CTDP1: variants seen among roughly 807,000 people sequenced by gnomAD.
CTDP1 encodes the protein CTD phosphatase 1.
CTDP1 carries 47 observed loss-of-function variants against 91.8 expected under a neutral mutation model. The ratio of observed to expected loss-of-function variants is 0.51; its 90% CI spans 0.41 to 0.65. CTDP1 has a LOEUF of 0.65. Ranked by LOEUF, CTDP1 falls within the 30% of genes least tolerant of loss-of-function variation. The pLI is 0.00. For synonymous variants in CTDP1, 656 were observed against 598.5 expected, an observed-to-expected ratio of 1.10 and a Z score of -1.40; for missense variants, 1,272 against 1,373.7, an observed-to-expected ratio of 0.93 and a Z score of 1.17.
intron 11 of CTDP1, among the ~76,000 whole-genome samples, chr18:79,735,439 G>T (rs1447976619): frequency 6.6e-6 from 1 of 152,250 alleles, no homozygotes. Context: ...TGGGATGGGA[G>T]CCCCCGGGAG....
chr18:79,705,673 C>T (rs950197475), intron 5 of CTDP1, among the ~76,000 whole-genome samples: 1 of 152,220 alleles, frequency 6.6e-6, no homozygotes, highest in Non-Finnish European at 1.5e-5. Context: ...ATGTAGGCGC[C>T]GAGTGGCAGT....
In CTDP1 at chr18:79,715,108, G is replaced by A. The variant is rs1266242215; in HGVS notation, c.1648G>A (p.Asp550Asn). ...CTGCGGCCTGGGCAACGGCTGTGCC[G>A]ACAGGAAGGAGGCGGAGACCGAGTC... ...GLCGLGNGCA[D>N]RKEAETESQN... Residue 550 changes from aspartate (D) to asparagine (N), a missense_variant, in exon 8 of 13, where the codon GAC (aspartate) becomes AAC (asparagine). Around this residue, in one of 3 missense-constraint regions of CTDP1, gnomAD observed 881 missense variants for 911.6 expected, o/e 0.97. Coordinates refer to ENST00000613122, the MANE Select transcript of CTDP1 (RefSeq NM_004715.5). 1.3e-5 allele frequency: 21 copies of A among 1,613,078 alleles called. No individual in the cohort carries two copies. Among genetic ancestry groups the A allele is most frequent in the Non-Finnish European group, 1.6e-5 (19 of 1,179,864 alleles).
At chr18:79,710,686 A>ATTTTTTTTTTTTTTTTTTTTTTT (rs11306504) in intron 6 of CTDP1, among the ~76,000 whole-genome samples, 1 of 88,502 alleles carries the variant, frequency 1.1e-5, no homozygotes, top group Non-Finnish European at 2.0e-5. Flanking sequence ...TCGCCCGGCA[A>ATTTTTTTTTTTTTTTTTTTTTTT]TTTTTTTTTT....
Position 79,754,136 on chromosome 18 carries a change from G to T in CTDP1, c.*346G>T. On this transcript the variant is annotated 3_prime_UTR_variant, in exon 13 of 13. Coordinates refer to ENST00000613122, the MANE Select transcript of CTDP1 (RefSeq NM_004715.5). ...TACCAGAGCACATTCCTTAGGGGAC[G>T]GCTTTGGGGGTCCCACGAGACATGG... 2.7e-6 allele frequency: 1 copy of T among 374,414 alleles called. No individual in the cohort carries two copies. Among genetic ancestry groups the T allele is most frequent in the South Asian group, 2.2e-5 (1 of 44,680 alleles). The allele number at this position is 374,414 out of a possible 1,614,324, so 23.2% of individuals were successfully genotyped here.
At chr18:79,690,401 A>G (rs1237873489) in intron 1 of CTDP1, among the ~76,000 whole-genome samples, 1 of 152,190 alleles carries the variant, frequency 6.6e-6, no homozygotes, top group Non-Finnish European at 1.5e-5. Context: ...AAACCAGAAA[A>G]CATTTATTGG....
At chr18:79,692,254 A>C (rs1307268955) in intron 1 of CTDP1, among the ~76,000 whole-genome samples, 2 of 152,060 alleles carry the variant, frequency 1.3e-5, no homozygotes, top group African/African-American at 4.8e-5. Flanking sequence ...ATTTGTGTGA[A>C]GCCCCACTGG....
At chr18:79,710,045 T>G (rs1418152860) in intron 5 of CTDP1, among the ~76,000 whole-genome samples, 2 of 152,244 alleles carry the variant, frequency 1.3e-5, no homozygotes, top group African/African-American at 4.8e-5. Flanking sequence ...TGCAAGTGCC[T>G]TCCATAATTT....
chr18:79,747,367 A>G (rs776234778), intron 12 of CTDP1, among the ~76,000 whole-genome samples: 6 of 152,212 alleles, frequency 3.9e-5, no homozygotes, highest in Non-Finnish European at 8.8e-5. Flanking sequence ...GAGCTGTGGC[A>G]TCCCCGCTGG....
At chr18:79,734,718 A>G (rs1344164859) in intron 11 of CTDP1, among the ~76,000 whole-genome samples, 2 of 152,246 alleles carry the variant, frequency 1.3e-5, no homozygotes, top group Non-Finnish European at 2.9e-5. Flanking sequence ...TGCCGTGTTA[A>G]AGGCCCTAAG....
chr18:79,679,240 G>A (rs1828773163), upstream of CTDP1: 1 of 364,740 alleles, frequency 2.7e-6, no homozygotes, highest in African/African-American at 2.1e-5. Flanking sequence ...GGTGAGGTCG[G>A]AGGAAGAGAA....
At chr18:79,692,612 C>T (rs889603575) in intron 1 of CTDP1, among the ~76,000 whole-genome samples, 7 of 152,128 alleles carry the variant, frequency 4.6e-5, no homozygotes, top group African/African-American at 1.7e-4. Flanking sequence ...TCCCTCTCTT[C>T]CCCTTGCAGG....
At chr18:79,744,941 G>T (rs1466831844) in intron 12 of CTDP1, among the ~76,000 whole-genome samples, 1 of 152,208 alleles carries the variant, frequency 6.6e-6, no homozygotes, top group East Asian at 1.9e-4. Context: ...AACGGAGGCT[G>T]GTGTGATGAC....
chr18:79,713,841 C>G lies in CTDP1; in HGVS notation c.1031-650C>G, dbSNP rs1276929718. ...AACCGTGGCCATGGTGGTGCCAGGT[C>G]ATCCGGGGCTTACAGTCACGGTGGC... On this transcript the variant is annotated intron_variant, in intron 7 of 12. Coordinates refer to ENST00000613122, the MANE Select transcript of CTDP1 (RefSeq NM_004715.5). This position sits in a 1 kb window ranked among gnomAD's most constrained non-coding sequence, Gnocchi z 4.7. Among the ~76,000 whole-genome samples, 1 of 151,976 alleles carries G rather than the reference C, an allele frequency of 6.6e-6. No homozygotes were observed. Among genetic ancestry groups the G allele is most frequent in the Non-Finnish European group, 1.5e-5 (1 of 68,020 alleles).
intron 2 of CTDP1, 48 bp downstream of exon 2, chr18:79,695,356 G>A: frequency 6.4e-7 from 1 of 1,566,312 alleles, no homozygotes; most frequent in Non-Finnish European, 8.8e-7. Flanking sequence ...GCTCGAGGTG[G>A]TGGCCTCCGG....
chr18:79,717,034 G>A lies in CTDP1; in HGVS notation c.2069-501G>A, dbSNP rs570427355. ...CCCTGAGCCCTAGTGGGGTACAGCT[G>A]GGTAAAGGCCCTGAGTCCTGGTGGG... On this transcript the variant is annotated intron_variant, in intron 8 of 12. Transcript: ENST00000613122. Among the ~76,000 whole-genome samples the A allele has an allele frequency of 1.7e-3, 261 of 149,458 alleles. 1 individual carries two copies. The highest frequency in any genetic ancestry group is 7.6e-3 in the Middle Eastern group (2 of 264).
chr18:79,740,878 G>A (rs1219127966), intron 12 of CTDP1, among the ~76,000 whole-genome samples: 1 of 152,228 alleles, frequency 6.6e-6, no homozygotes, highest in Non-Finnish European at 1.5e-5. Flanking sequence ...GTCATCTTCA[G>A]AATGTTTAAG....
intron 12 of CTDP1, among the ~76,000 whole-genome samples, chr18:79,739,330 G>A (rs1026950473): frequency 3.3e-5 from 5 of 152,100 alleles, no homozygotes; most frequent in African/African-American, 9.7e-5. Context: ...TGGATGTGGC[G>A]CTCAGCGGGT....
At chr18:79,682,473 G>A (rs186783072) in intron 1 of CTDP1, among the ~76,000 whole-genome samples, 125 of 152,316 alleles carry the variant, frequency 8.2e-4, no homozygotes, top group Middle Eastern at 6.8e-3. Flanking sequence ...CAACAGTGAT[G>A]GATTTCTCCA....
intron 12 of CTDP1, among the ~76,000 whole-genome samples, chr18:79,747,722 C>A (rs1002749058): frequency 2.6e-5 from 4 of 152,218 alleles, no homozygotes; most frequent in Non-Finnish European, 5.9e-5. Context: ...GCAGACCTGG[C>A]CACGCCGGCA....
Sources: allele counts gnomAD v4.1 joint callset (sites outside exome capture counted in the v4.1 genomes callset), GRCh38; gene constraint gnomAD v4.1.1; regional missense constraint gnomAD v4.1.1; non-coding constraint Gnocchi (gnomAD v3.1); transcripts MANE v1.5; gene names NCBI Gene and HGNC (gene_info 2026-07-23, HGNC 2026-07-21).